Variants in BCL9 observed in about 807,000 individuals in gnomAD.
BCL9 encodes B-cell CLL/lymphoma 9 protein.
In BCL9, 25 loss-of-function variants were observed where a neutral mutation model predicts 88.5. The observed-to-expected ratio is 0.28, with a 90% CI of 0.21 to 0.39. BCL9 has a LOEUF of 0.39. Among genes scored for constraint, BCL9 ranks in the 10% least tolerant of loss-of-function variants. BCL9 has a pLI of 1.00. For missense variants in BCL9, 1,817 were observed against 1,877.8 expected, an observed-to-expected ratio of 0.97 and a Z score of 0.60; for synonymous variants, 711 against 673.3, an observed-to-expected ratio of 1.06 and a Z score of -0.87.
Position 147,624,768 on chromosome 1 carries a change from G to A in BCL9, c.4090G>A (p.Gly1364Arg). ...GGGCATGATTCCTGGCAAGGATCGG[G>A]GGCCTGCCGGGCTCTACACCCACCC... ...AVGMIPGKDR[G>R]PAGLYTHPGP... The change falls in exon 10 of 10, where the codon GGG (glycine) becomes AGG (arginine). Residue 1364 changes from glycine (G) to arginine (R), a missense_variant. Coordinates refer to ENST00000234739, the MANE Select transcript of BCL9 (RefSeq NM_004326.4). This position sits in a 1 kb window ranked among gnomAD's most constrained non-coding sequence, Gnocchi z 4.4. 1 of 1,614,110 alleles carries A rather than the reference G, an allele frequency of 6.2e-7. No homozygotes were observed. The highest frequency in any genetic ancestry group is 8.5e-7 in the Non-Finnish European group (1 of 1,179,986).
chr1:147,625,581 G>A lies in BCL9; in HGVS notation c.*622G>A, dbSNP rs1658902841. On this transcript the variant is annotated 3_prime_UTR_variant, in exon 10 of 10. Transcript: ENST00000234739. ...CAAAAAAAGGAACTAAGTTCAGCGA[G>A]GGGTGGGGGGAGGGGGGAGATTTTT... The A allele has an allele frequency of 9.1e-6, 1 of 109,860 alleles. No individual in the cohort carries two copies. The highest frequency in any genetic ancestry group is 1.7e-5 in the Non-Finnish European group (1 of 58,196). The allele number at this position is 109,860 out of a possible 1,614,324, so 6.8% of individuals were successfully genotyped here. A position where few individuals can be genotyped will look rare whatever the true frequency, so the allele number is the denominator to read the frequency against.
chr1:147,572,089 A>AAG (rs1451149375), intron 1 of BCL9, among the ~76,000 whole-genome samples: 1 of 151,396 alleles, frequency 6.6e-6, no homozygotes. Flanking sequence ...AATACAAAAA[A>AAG]AAATTAGCTG....
At chr1:147,597,165 A>C (rs953975344) in intron 1 of BCL9, among the ~76,000 whole-genome samples, 6 of 152,244 alleles carry the variant, frequency 3.9e-5, no homozygotes, top group Non-Finnish European at 7.3e-5. Flanking sequence ...TCTGTAAGAC[A>C]GAATGGAATT....
Position 147,589,838 on chromosome 1 carries a change from TTAGA to T in BCL9, c.-477-14934_-477-14931del, listed in dbSNP as rs143925517. 5.1e-3 allele frequency among the ~76,000 whole-genome samples: 780 copies of T among 152,368 alleles called. 2 individuals carry two copies. Among genetic ancestry groups the T allele is most frequent in the Non-Finnish European group, 8.6e-3 (582 of 68,038 alleles). ...GTGTAGACATACATTTTTATTTCTC[TTAGA>T]TAGACACCTAGAAGTAGAAGTTCTG... On this transcript the variant is annotated intron_variant, in intron 1 of 9. Transcript: ENST00000234739.
chr1:147,625,834 T>C lies in BCL9; in HGVS notation c.*875T>C, dbSNP rs3766512. On this transcript the variant is annotated 3_prime_UTR_variant, in exon 10 of 10. Coordinates refer to ENST00000234739, the MANE Select transcript of BCL9 (RefSeq NM_004326.4). ...GGCAGCTGCAATACACAGTGTTATT[T>C]TGGGGAAATAAATCTAGCAAAGCCT... 0.14 allele frequency: 31,432 copies of C among 232,668 alleles called. 2,742 individuals are homozygous for C. Among genetic ancestry groups the C allele is most frequent in the East Asian group, 0.36 (5,900 of 16,454 alleles). 14.4% of individuals were successfully genotyped at this position (232,668 alleles called of 1,614,324 possible). A position where few individuals can be genotyped will look rare whatever the true frequency, so the allele number is the denominator to read the frequency against.
chr1:147,620,264 T>C lies in BCL9; in HGVS notation c.2109T>C (p.Pro703=). 6.2e-7 allele frequency: 1 copy of C among 1,614,128 alleles called. No individual in the cohort carries two copies. Among genetic ancestry groups the C allele is most frequent in the East Asian group, 2.2e-5 (1 of 44,882 alleles). The change falls in exon 8 of 10, where the codon CCT becomes CCC. Residue 703 remains proline, a synonymous_variant. Coordinates refer to ENST00000234739, the MANE Select transcript of BCL9 (RefSeq NM_004326.4). Reference sequence around the variant, plus strand: ...AAGGAATTCCCCCACAGATGGGCCCTGGTCGGGAACTTGAGTTTGGGATGG... The same window carrying C: ...AAGGAATTCCCCCACAGATGGGCCCCGGTCGGGAACTTGAGTTTGGGATGG... ...FPKGIPPQMG[P]GRELEFGMVP...
intron 1 of BCL9, among the ~76,000 whole-genome samples, chr1:147,569,960 T>C (rs1211601973): frequency 3.3e-5 from 5 of 152,122 alleles, no homozygotes; most frequent in African/African-American, 1.2e-4. Flanking sequence ...AAAAGAAGAA[T>C]CAGTCACAGG....
chr1:147,596,631 T>C (rs1657067981), intron 1 of BCL9, among the ~76,000 whole-genome samples: 2 of 152,156 alleles, frequency 1.3e-5, no homozygotes, highest in South Asian at 4.1e-4. Context: ...GCCAGGATGG[T>C]CTCAATCTCC....
At chr1:147,615,958 G>GTTT in intron 7 of BCL9, 56 bp downstream of exon 7, 1 of 1,505,002 alleles carries the variant, frequency 6.6e-7, no homozygotes, top group South Asian at 1.2e-5. Context: ...GACTGCAAAG[G>GTTT]AAAGGAGGTG....
At chr1:147,571,037 C>T (rs1161578776) in intron 1 of BCL9, among the ~76,000 whole-genome samples, 1 of 152,064 alleles carries the variant, frequency 6.6e-6, no homozygotes, top group Non-Finnish European at 1.5e-5. Context: ...ATCCACCAGG[C>T]TGTACACCCT....
intron 1 of BCL9, among the ~76,000 whole-genome samples, chr1:147,582,296 G>A (rs148246976): frequency 1.3e-5 from 2 of 152,256 alleles, no homozygotes; most frequent in African/African-American, 2.4e-5. Context: ...TCTATGTTTA[G>A]ATGTTTCTTT....
At chr1:147,555,204 A>G (rs1655052520) in intron 1 of BCL9, among the ~76,000 whole-genome samples, 2 of 152,088 alleles carry the variant, frequency 1.3e-5, no homozygotes, top group African/African-American at 4.8e-5. Context: ...GGCAGACTAA[A>G]GAGTCAAACT....
At chr1:147,544,827 G>T (rs1337924510) in intron 1 of BCL9, among the ~76,000 whole-genome samples, 1 of 152,146 alleles carries the variant, frequency 6.6e-6, no homozygotes, top group African/African-American at 2.4e-5. Flanking sequence ...ATCAAAGATA[G>T]AATGTTTTTT....
chr1:147,625,857 C>T lies in BCL9; in HGVS notation c.*898C>T, dbSNP rs1253733003. ...TTTTGGGGAAATAAATCTAGCAAAG[C>T]CTCGCCTTCCATGCCGAGCGTCCTC... On this transcript the variant is annotated 3_prime_UTR_variant, in exon 10 of 10. Transcript: ENST00000234739. 8.6e-6 allele frequency: 2 copies of T among 232,994 alleles called. No individual in the cohort carries two copies. Among genetic ancestry groups the T allele is most frequent in the African/African-American group, 4.4e-5 (2 of 45,298 alleles). The allele number at this position is 232,994 out of a possible 1,614,324, so 14.4% of individuals were successfully genotyped here.
At chr1:147,541,828 T>G (rs1426813515) in intron 1 of BCL9, among the ~76,000 whole-genome samples, 154 bp downstream of exon 1, 3 of 147,814 alleles carry the variant, frequency 2.0e-5, no homozygotes, top group Non-Finnish European at 4.5e-5. Flanking sequence ...CATCCAGGAC[T>G]GGGGATGGCC....
At chr1:147,605,974 T>G (rs896287826) in intron 2 of BCL9, among the ~76,000 whole-genome samples, 1 of 152,224 alleles carries the variant, frequency 6.6e-6, no homozygotes, top group Non-Finnish European at 1.5e-5. Flanking sequence ...GTTAGATTAA[T>G]TTGTGAATTT....
chr1:147,556,771 G>GGAGAC (rs2101487244), intron 1 of BCL9, among the ~76,000 whole-genome samples: 1 of 152,256 alleles, frequency 6.6e-6, no homozygotes. Context: ...AGGAGTGAAT[G>GGAGAC]GAGACCACAG....
rs1658155302 is a variant in BCL9 at position 147,614,316 on chromosome 1, A to G, written c.371-111A>G. On this transcript the variant is annotated intron_variant, in intron 5 of 9. Coordinates refer to ENST00000234739, the MANE Select transcript of BCL9 (RefSeq NM_004326.4). ...AAGTAGAAGAGGTTTCCTCTTAGCA[A>G]GGTGGTACTTCCTTGAAATTCTCAA... The G allele has an allele frequency of 3.0e-6, 3 of 1,007,456 alleles. No individual in the cohort carries two copies. In the Admixed American group the frequency reaches 7.4e-5, roughly 25 times the overall value. The allele number at this position is 1,007,456 out of a possible 1,614,324, so 62.4% of individuals were successfully genotyped here. A position where few individuals can be genotyped will look rare whatever the true frequency, so the allele number is the denominator to read the frequency against.
At chr1:147,566,617 G>T (rs587709193) in intron 1 of BCL9, among the ~76,000 whole-genome samples, 3 of 151,950 alleles carry the variant, frequency 2.0e-5, no homozygotes, top group Non-Finnish European at 4.4e-5. Context: ...TTAGCCGGGC[G>T]TGGTGGCGGG....
Sources: allele counts gnomAD v4.1 joint callset (sites outside exome capture counted in the v4.1 genomes callset), GRCh38; gene constraint gnomAD v4.1.1; non-coding constraint Gnocchi (gnomAD v3.1); transcripts MANE v1.5; gene names NCBI Gene and HGNC (gene_info 2026-07-23, HGNC 2026-07-21).